SYT11: variants seen among roughly 807,000 people sequenced by gnomAD.
SYT11 encodes the protein synaptotagmin-11.
SYT11 carries 12 observed loss-of-function variants against 30.4 expected under a neutral mutation model. That is an observed-to-expected ratio of 0.39 (90% confidence interval 0.25 to 0.64). SYT11 has a LOEUF of 0.64. Among genes scored for constraint, SYT11 ranks in the 30% least tolerant of loss-of-function variants. The probability of loss-of-function intolerance (pLI) is 0.45; values close to 1 mark genes in which losing one functional copy is unlikely to be tolerated. For missense variants in SYT11, 412 were observed against 552.0 expected (o/e 0.75, Z 2.54); for synonymous variants, 204 against 216.0 (o/e 0.94, Z 0.49).
intron 2 of SYT11, among the ~76,000 whole-genome samples, chr1:155,876,533 A>G (rs1023396547): frequency 3.9e-4 from 60 of 151,944 alleles, no homozygotes; most frequent in African/African-American, 1.4e-3. Flanking sequence ...GGCGTGAGCC[A>G]CTGCACCCGG....
rs1253588320 is a variant in SYT11 at position 155,882,995 on chromosome 1, T to TA, written c.*1489dup. On this transcript the variant is annotated 3_prime_UTR_variant, in exon 4 of 4. Transcript: ENST00000368324. ...AACAGTGTGACTGAGTGAATGAAGA[T>TA]AAGTTGGATTCTTTCAGAGCATTCT... 6.6e-6 allele frequency: 1 copy of TA among 152,358 alleles called. No homozygotes were observed. Among genetic ancestry groups the TA allele is most frequent in the African/African-American group, 2.4e-5 (1 of 41,458 alleles). 9.4% of individuals were successfully genotyped at this position (152,358 alleles called of 1,614,324 possible).
chr1:155,879,048 G>T (rs1672918169), intron 2 of SYT11, among the ~76,000 whole-genome samples: 1 of 152,048 alleles, frequency 6.6e-6, no homozygotes, highest in Admixed American at 6.6e-5. Context: ...AGCTCCTTGG[G>T]AGCAACAACT....
intron 2 of SYT11, among the ~76,000 whole-genome samples, chr1:155,869,907 T>C (rs757268368): frequency 2.6e-4 from 39 of 152,226 alleles, no homozygotes; most frequent in African/African-American, 7.7e-4. Context: ...GACTTTACTC[T>C]CCAGCTTACC....
At chr1:155,867,916 A>C in intron 1 of SYT11, 49 bp from the exon 2 acceptor site, 1 of 1,401,550 alleles carries the variant, frequency 7.1e-7, no homozygotes, top group Non-Finnish European at 9.8e-7. Flanking sequence ...AGATCTAGAC[A>C]GGAGGTGAAG....
intron 1 of SYT11, among the ~76,000 whole-genome samples, chr1:155,866,484 C>T (rs1672678096): frequency 6.6e-6 from 1 of 152,168 alleles, no homozygotes; most frequent in Non-Finnish European, 1.5e-5. Context: ...GCTGAGGGTA[C>T]AGCCGTGAAC....
At chr1:155,872,518 C>G (rs1352082015) in intron 2 of SYT11, among the ~76,000 whole-genome samples, 1 of 152,220 alleles carries the variant, frequency 6.6e-6, no homozygotes, top group East Asian at 1.9e-4. Flanking sequence ...CTCTGTTCCA[C>G]TGAAGGAGCA....
At chr1:155,873,331 C>A (rs549382937) in intron 2 of SYT11, among the ~76,000 whole-genome samples, 12 of 152,218 alleles carry the variant, frequency 7.9e-5, no homozygotes, top group African/African-American at 2.9e-4. Context: ...GAGGCTGAGG[C>A]AGGAGAATTG....
At chr1:155,869,873 T>C (rs907632403) in intron 2 of SYT11, among the ~76,000 whole-genome samples, 3 of 152,188 alleles carry the variant, frequency 2.0e-5, no homozygotes, top group Admixed American at 6.5e-5. Flanking sequence ...AGTTAAACAC[T>C]TGGGCTCCAG....
chr1:155,872,844 C>G (rs533644019), intron 2 of SYT11, among the ~76,000 whole-genome samples: 12 of 152,020 alleles, frequency 7.9e-5, no homozygotes, highest in Admixed American at 7.9e-4. Flanking sequence ...CATCACAAAG[C>G]GGCGCTGAGT....
intron 2 of SYT11, 119 bp from the exon 3 acceptor site, chr1:155,880,380 CA>C (rs1006068409): frequency 3.2e-6 from 4 of 1,234,622 alleles, no homozygotes; most frequent in Non-Finnish European, 3.3e-6. Context: ...AGCATCTTTC[CA>C]AAAAACTTAT....
chr1:155,859,744 A>G lies in SYT11; in HGVS notation c.-18A>G, dbSNP rs1368017658. On this transcript the variant is annotated 5_prime_UTR_variant, in exon 1 of 4. Coordinates refer to ENST00000368324, the MANE Select transcript of SYT11 (RefSeq NM_152280.5). ...TCACCATTGCAAAAACGTTATAGCA[A>G]CAGCCTCTGATTACGACATGGCTGA... 3 of 1,613,926 alleles carry G rather than the reference A, an allele frequency of 1.9e-6. No individual in the cohort carries two copies. Among genetic ancestry groups the G allele is most frequent in the Non-Finnish European group, 2.5e-6 (3 of 1,179,812 alleles).
intron 2 of SYT11, among the ~76,000 whole-genome samples, chr1:155,878,735 C>T (rs567019085): frequency 2.8e-4 from 43 of 151,842 alleles, no homozygotes; most frequent in East Asian, 1.4e-3. Flanking sequence ...GGCGTGGTGG[C>T]GGGCGCCTGT....
At position 155,881,748 on chromosome 1, in the gene SYT11, G is replaced by T; in HGVS notation, c.*240G>T. The T allele has an allele frequency of 2.9e-6, 1 of 344,018 alleles. No individual in the cohort carries two copies. The highest frequency in any genetic ancestry group is 5.2e-6 in the Non-Finnish European group (1 of 191,138). The allele number at this position is 344,018 out of a possible 1,614,324, so 21.3% of individuals were successfully genotyped here. On this transcript the variant is annotated 3_prime_UTR_variant, in exon 4 of 4. Transcript: ENST00000368324. ...TTTTATTTTACTTTATTTTTTTTGA[G>T]GTGGAGTTTCGCTCTTGTTGCCCGG... is the stretch of plus-strand genomic sequence containing the variant.
intron 2 of SYT11, among the ~76,000 whole-genome samples, chr1:155,875,700 C>G (rs1176634184): frequency 2.0e-5 from 3 of 152,136 alleles, no homozygotes; most frequent in Admixed American, 6.6e-5. Context: ...CCATACCCAG[C>G]CTAGTTAGTT....
chr1:155,871,699 C>T (rs1380894889), intron 2 of SYT11, among the ~76,000 whole-genome samples: 1 of 152,240 alleles, frequency 6.6e-6, no homozygotes, highest in Non-Finnish European at 1.5e-5. Flanking sequence ...CTGAGCAACA[C>T]ATGCCCTGGA....
rs1022544184 is a variant in SYT11, at chr1:155,883,328, G to C, written c.*1820G>C. ...GTGGAAAGATCGCTTGAGCCCAGGA[G>C]TTCAAGACCAGCCTGGGCTACATGA... On this transcript the variant is annotated 3_prime_UTR_variant, in exon 4 of 4. Coordinates refer to ENST00000368324, the MANE Select transcript of SYT11 (RefSeq NM_152280.5). The C allele has an allele frequency of 6.6e-6, 1 of 152,378 alleles. No individual in the cohort carries two copies. The highest frequency in any genetic ancestry group is 2.4e-5 in the African/African-American group (1 of 41,466). 9.4% of individuals were successfully genotyped at this position (152,378 alleles called of 1,614,324 possible). A position where few individuals can be genotyped will look rare whatever the true frequency, so the allele number is the denominator to read the frequency against.
chr1:155,869,260 T>C (rs1333829958), intron 2 of SYT11, among the ~76,000 whole-genome samples: 2 of 127,262 alleles, frequency 1.6e-5, no homozygotes, highest in Non-Finnish European at 1.6e-5. Context: ...ACCATGTACA[T>C]GTCTTTTTTT....
intron 2 of SYT11, among the ~76,000 whole-genome samples, chr1:155,869,518 T>C (rs1312460773): frequency 6.6e-6 from 1 of 152,072 alleles, no homozygotes; most frequent in Non-Finnish European, 1.5e-5. Flanking sequence ...GTGATCCACC[T>C]GCCTCGGACT....
In SYT11 at chr1:155,859,760, A is replaced by G. The variant is rs373914518; in HGVS notation, c.-2A>G. ...GTTATAGCAACAGCCTCTGATTACG[A>G]CATGGCTGAGATCACCAATATCCGA... On this transcript the variant is annotated 5_prime_UTR_variant, in exon 1 of 4. Coordinates refer to ENST00000368324, the MANE Select transcript of SYT11 (RefSeq NM_152280.5). 9 of 1,614,138 alleles carry G rather than the reference A, an allele frequency of 5.6e-6. No individual in the cohort carries two copies. In the African/African-American group the frequency reaches 1.1e-4, roughly 19 times the overall value.
Sources: gnomAD v4.1 joint callset for allele counts (sites outside exome capture counted in the v4.1 genomes callset) on GRCh38, gnomAD v4.1.1 for gene constraint, MANE v1.5 for transcripts, NCBI Gene and HGNC (gene_info 2026-07-23, HGNC 2026-07-21) for gene names.